Variants in ACER3 observed in about 807,000 individuals in gnomAD.
The protein encoded by ACER3 is alkCDase 3.
Under a neutral mutation model 48.9 loss-of-function variants are expected in ACER3, and 16 were observed. That is an observed-to-expected ratio of 0.33 (90% CI 0.22 to 0.50). ACER3 has a LOEUF of 0.50. Ranked by LOEUF, ACER3 falls within the 20% of genes least tolerant of loss-of-function variation. ACER3 has a pLI of 0.98. For synonymous variants in ACER3, 109 were observed against 107.8 expected (o/e 1.01, Z -0.07); for missense variants, 227 against 326.0 (o/e 0.70, Z 2.34).
intron 1 of ACER3, among the ~76,000 whole-genome samples, chr11:76,906,400 A>G (rs1318034095): frequency 1.3e-5 from 2 of 152,152 alleles, no homozygotes; most frequent in Non-Finnish European, 2.9e-5. Context: ...TCATAACTCA[A>G]CTGGTCCTGT....
chr11:77,024,751 C>A lies in ACER3; in HGVS notation c.*4424C>A, dbSNP rs529609193. The A allele has an allele frequency of 1.3e-5, 2 of 152,302 alleles. No individual in the cohort carries two copies. Among genetic ancestry groups the A allele is most frequent in the South Asian group, 4.1e-4 (2 of 4,832 alleles). The allele number at this position is 152,302 out of a possible 1,614,324, so 9.4% of individuals were successfully genotyped here. ...ACCCATTTTCATGTACTTTAAATAA[C>A]AAATATTATTTCTCAAGGTCTTCAT... On this transcript the variant is annotated 3_prime_UTR_variant, in exon 11 of 11. Transcript: ENST00000532485.
intron 1 of ACER3, among the ~76,000 whole-genome samples, chr11:76,899,835 G>A (rs1038041063): frequency 7.2e-5 from 11 of 152,040 alleles, no homozygotes; most frequent in South Asian, 4.1e-4. Context: ...TAACATAGGG[G>A]TTGGGGTGCT....
At chr11:76,958,107 T>C (rs1947889789) in intron 2 of ACER3, among the ~76,000 whole-genome samples, 1 of 151,578 alleles carries the variant, frequency 6.6e-6, no homozygotes, top group African/African-American at 2.4e-5. Flanking sequence ...ACAGAATCTT[T>C]TTAGATTTTT....
intron 6 of ACER3, among the ~76,000 whole-genome samples, chr11:76,994,767 G>A (rs1948879076): frequency 6.6e-6 from 1 of 152,140 alleles, no homozygotes; most frequent in African/African-American, 2.4e-5. Context: ...AAAAGCATCG[G>A]TATACTATAA....
chr11:76,948,734 T>G (rs1947551936), intron 2 of ACER3, among the ~76,000 whole-genome samples: 2 of 152,226 alleles, frequency 1.3e-5, no homozygotes, highest in African/African-American at 4.8e-5. Context: ...TAAAAGGAAC[T>G]TGTAATTCTT....
intron 3 of ACER3, among the ~76,000 whole-genome samples, chr11:76,960,176 G>A (rs796206100): frequency 1.4e-4 from 21 of 152,096 alleles, no homozygotes; most frequent in East Asian, 1.2e-3. Flanking sequence ...TTTGAGAGGC[G>A]GAGGTGGGTG....
At chr11:76,995,184 C>T (rs753934547) in intron 6 of ACER3, among the ~76,000 whole-genome samples, 17 of 152,180 alleles carry the variant, frequency 1.1e-4, no homozygotes, top group Non-Finnish European at 2.5e-4. Flanking sequence ...TGTCCTTCCA[C>T]TTGCCCCTCC....
chr11:76,963,881 G>A (rs1948065531), intron 3 of ACER3, among the ~76,000 whole-genome samples: 1 of 151,422 alleles, frequency 6.6e-6, no homozygotes, highest in African/African-American at 2.5e-5. Context: ...ACAACTCTCG[G>A]CGTTAGCGAC....
chr11:76,884,148 G>A (rs1945611639), intron 1 of ACER3, among the ~76,000 whole-genome samples: 1 of 152,160 alleles, frequency 6.6e-6, no homozygotes, highest in African/African-American at 2.4e-5. Context: ...AAGAGACTGT[G>A]AGCATGTGCA....
At chr11:76,956,571 A>G (rs1187569242) in intron 2 of ACER3, among the ~76,000 whole-genome samples, 1 of 152,154 alleles carries the variant, frequency 6.6e-6, no homozygotes, top group Non-Finnish European at 1.5e-5. Flanking sequence ...TTTTAATGCT[A>G]TATAATTTAA....
chr11:76,912,192 A>G (rs1039608449), intron 1 of ACER3, among the ~76,000 whole-genome samples: 3 of 152,180 alleles, frequency 2.0e-5, no homozygotes, highest in African/African-American at 7.2e-5. Context: ...TGGTATCCTT[A>G]GAAGAAAACA....
chr11:76,921,204 C>T (rs1357417982), intron 1 of ACER3, among the ~76,000 whole-genome samples: 1 of 152,088 alleles, frequency 6.6e-6, no homozygotes, highest in Non-Finnish European at 1.5e-5. Flanking sequence ...AAATCATTGC[C>T]TCTCCAAGGT....
chr11:76,955,582 T>C (rs1199078997), intron 2 of ACER3: 1 of 152,308 alleles, frequency 6.6e-6, no homozygotes, highest in East Asian at 1.9e-4. Context: ...TTCCTCTGTC[T>C]GTGCTGTGGA....
At chr11:76,896,673 A>G (rs2134647609) in intron 1 of ACER3, among the ~76,000 whole-genome samples, 1 of 152,222 alleles carries the variant, frequency 6.6e-6, no homozygotes, top group South Asian at 2.1e-4. Flanking sequence ...TGATCCTGTG[A>G]TAGACTTTGA....
intron 3 of ACER3, 164 bp downstream of exon 3, chr11:76,959,195 A>T: frequency 1.3e-6 from 2 of 1,511,260 alleles, no homozygotes; most frequent in Non-Finnish European, 1.8e-6. Flanking sequence ...GTAAAGAAAT[A>T]AGCAGGTGAG....
At position 77,022,868 on chromosome 11, in the gene ACER3, C is replaced by CAAA. The variant is rs10565723; in HGVS notation, c.*2563_*2565dup. Reference sequence around the variant, plus strand: ...ATGGTGGCAGAGCGAGACTCCGTCTCAAAAAAAAAAAAAAAAAAAAAAAAG... The same window carrying CAAA: ...ATGGTGGCAGAGCGAGACTCCGTCTCAAAAAAAAAAAAAAAAAAAAAAAAAAAG... On this transcript the variant is annotated 3_prime_UTR_variant, in exon 11 of 11. Coordinates refer to ENST00000532485, the MANE Select transcript of ACER3 (RefSeq NM_018367.7). 1.0e-4 allele frequency: 29 copies of CAAA among 281,652 alleles called. No homozygotes were observed. Among genetic ancestry groups the CAAA allele is most frequent in the African/African-American group, 4.3e-4 (18 of 41,772 alleles). 17.4% of individuals were successfully genotyped at this position (281,652 alleles called of 1,614,324 possible).
intron 2 of ACER3, among the ~76,000 whole-genome samples, chr11:76,953,063 G>A (rs747817728): frequency 7.9e-5 from 12 of 152,190 alleles, no homozygotes; most frequent in Non-Finnish European, 1.6e-4. Flanking sequence ...AAGTGACAGA[G>A]TGAGCACAGG....
At chr11:77,015,337 G>A in intron 8 of ACER3, 1 of 393,786 alleles carries the variant, frequency 2.5e-6, no homozygotes, top group South Asian at 3.7e-5. Flanking sequence ...TGTAGGGTTT[G>A]GGTTTTGTGT....
intron 2 of ACER3, among the ~76,000 whole-genome samples, chr11:76,950,024 A>G (rs1200905387): frequency 6.6e-6 from 1 of 152,042 alleles, no homozygotes; most frequent in African/African-American, 2.4e-5. Context: ...CTGCATTGCT[A>G]TCACTTAGGA....
Sources: gnomAD v4.1 joint callset for allele counts (sites outside exome capture counted in the v4.1 genomes callset) on GRCh38, gnomAD v4.1.1 for gene constraint, MANE v1.5 for transcripts, NCBI Gene and HGNC (gene_info 2026-07-23, HGNC 2026-07-21) for gene names.